UNC5D: variants seen among roughly 807,000 people sequenced by gnomAD.
The protein encoded by UNC5D is unc-5 netrin receptor D.
Under a neutral mutation model 105.4 loss-of-function variants are expected in UNC5D, and 39 were observed. The observed-to-expected ratio is 0.37, with a 90% CI of 0.29 to 0.48. The LOEUF (loss-of-function observed/expected upper bound fraction) is 0.48, where lower values mean the gene tolerates loss of function less well. UNC5D is among the 20% of genes least tolerant of loss of function. The probability of loss-of-function intolerance (pLI) is 0.98; values close to 1 mark genes in which losing one functional copy is unlikely to be tolerated. For synonymous variants in UNC5D, 452 were observed against 450.4 expected (o/e 1.00, Z -0.04); for missense variants, 991 against 1,202.4 (o/e 0.82, Z 2.60).
intron 1 of UNC5D, among the ~76,000 whole-genome samples, chr8:35,271,957 T>C (rs964538320): frequency 5.3e-5 from 8 of 151,946 alleles, no homozygotes; most frequent in Non-Finnish European, 1.2e-4. Context: ...AAGAATATCA[T>C]GGCAAACACA....
chr8:35,319,023 C>T (rs1809511974), intron 1 of UNC5D, among the ~76,000 whole-genome samples: 1 of 152,088 alleles, frequency 6.6e-6, no homozygotes, highest in Admixed American at 6.6e-5. Context: ...CTTCTTCCCT[C>T]AGTCTTTAGA....
chr8:35,388,695 T>C (rs1327020281), intron 1 of UNC5D, among the ~76,000 whole-genome samples: 3 of 152,184 alleles, frequency 2.0e-5, no homozygotes, highest in South Asian at 4.1e-4. Flanking sequence ...CTGTGTAAAA[T>C]CTCCATGCAG....
At chr8:35,637,732 A>G (rs950230247) in intron 4 of UNC5D, among the ~76,000 whole-genome samples, 6 of 152,188 alleles carry the variant, frequency 3.9e-5, no homozygotes, top group African/African-American at 1.4e-4. Context: ...AATTTTCCAC[A>G]TGTTTAAATC....
At chr8:35,631,313 C>A (rs77292603) in intron 4 of UNC5D, among the ~76,000 whole-genome samples, 90 of 145,676 alleles carry the variant, frequency 6.2e-4, no homozygotes, top group Non-Finnish European at 6.6e-4. Context: ...GACCCTGTCT[C>A]AAAAAAAAAA....
At chr8:35,497,554 G>A (rs1398682153) in intron 1 of UNC5D, among the ~76,000 whole-genome samples, 1 of 152,000 alleles carries the variant, frequency 6.6e-6, no homozygotes, top group Non-Finnish European at 1.5e-5. Context: ...GAGAAATGAT[G>A]CGTTAGATTT....
intron 7 of UNC5D, among the ~76,000 whole-genome samples, chr8:35,688,008 T>C (rs1434024430): frequency 1.3e-5 from 2 of 152,018 alleles, no homozygotes; most frequent in Non-Finnish European, 2.9e-5. Context: ...GGCAGGCACC[T>C]GTAGTCCCAG....
chr8:35,478,014 A>G (rs1387448944), intron 1 of UNC5D, among the ~76,000 whole-genome samples: 2 of 152,172 alleles, frequency 1.3e-5, no homozygotes, highest in East Asian at 1.9e-4. Flanking sequence ...AGAAAGCCTT[A>G]TATTAATCAA....
chr8:35,405,200 A>G (rs1804727389), intron 1 of UNC5D, among the ~76,000 whole-genome samples: 2 of 152,228 alleles, frequency 1.3e-5, no homozygotes, highest in South Asian at 2.1e-4. Flanking sequence ...AGCTGCATGC[A>G]CCCAGATAAT....
At chr8:35,571,464 A>G (rs1386342036) in intron 3 of UNC5D, among the ~76,000 whole-genome samples, 1 of 152,214 alleles carries the variant, frequency 6.6e-6, no homozygotes, top group African/African-American at 2.4e-5. Context: ...TTGTCATTAA[A>G]TATTGCATTT....
chr8:35,638,430 T>C (rs999448188), intron 4 of UNC5D, among the ~76,000 whole-genome samples: 2 of 152,144 alleles, frequency 1.3e-5, no homozygotes, highest in African/African-American at 2.4e-5. Flanking sequence ...ATATGATCTA[T>C]ATTTTTCAAT....
chr8:35,434,297 A>G (rs1047012817), intron 1 of UNC5D, among the ~76,000 whole-genome samples: 6 of 152,134 alleles, frequency 3.9e-5, no homozygotes, highest in African/African-American at 1.4e-4. Flanking sequence ...AAGTTCCACT[A>G]ATGAGAGTCA....
intron 7 of UNC5D, 86 bp downstream of exon 7, chr8:35,686,795 G>C (rs1371133659): frequency 2.7e-6 from 4 of 1,468,986 alleles, no homozygotes; most frequent in South Asian, 2.7e-5. Flanking sequence ...CATTAATGTG[G>C]TTAAATAAGT....
chr8:35,426,608 G>A (rs1367070669), intron 1 of UNC5D, among the ~76,000 whole-genome samples: 1 of 152,070 alleles, frequency 6.6e-6, no homozygotes, highest in South Asian at 2.1e-4. Flanking sequence ...GTTGTTTTAT[G>A]GGGATGTCCT....
Position 35,453,344 on chromosome 8 carries a change from C to A in UNC5D, c.104-95948C>A, listed in dbSNP as rs536024572. Among the ~76,000 whole-genome samples the A allele has an allele frequency of 3.9e-5, 6 of 152,180 alleles. No individual in the cohort carries two copies. The South Asian group carries it at 1.2e-3, about 32-fold the overall frequency. On this transcript the variant is annotated intron_variant, in intron 1 of 16. Coordinates refer to ENST00000404895, the MANE Select transcript of UNC5D (RefSeq NM_080872.4). ...AGATTTATGAAGCAAAGGTGTTGTA[C>A]TGTGAGGGTCTTGAAAAATGGGTGT... is the stretch of plus-strand genomic sequence containing the variant.
intron 1 of UNC5D, among the ~76,000 whole-genome samples, chr8:35,397,349 T>C (rs1166911996): frequency 6.6e-6 from 1 of 152,220 alleles, no homozygotes; most frequent in Non-Finnish European, 1.5e-5. Flanking sequence ...TGAGCCATGC[T>C]TAGCAGGTCT....
At chr8:35,316,796 G>A (rs1318334457) in intron 1 of UNC5D, among the ~76,000 whole-genome samples, 2 of 152,128 alleles carry the variant, frequency 1.3e-5, no homozygotes, top group African/African-American at 4.8e-5. Flanking sequence ...AGACTGTGGA[G>A]TTCAGTTTTC....
intron 1 of UNC5D, among the ~76,000 whole-genome samples, chr8:35,280,122 A>G (rs1806046856): frequency 6.6e-6 from 1 of 151,948 alleles, no homozygotes; most frequent in African/African-American, 2.4e-5. Context: ...CAGCCTCCCA[A>G]ATAGCTGGGA....
chr8:35,491,780 A>G (rs1811229312), intron 1 of UNC5D, among the ~76,000 whole-genome samples: 1 of 152,106 alleles, frequency 6.6e-6, no homozygotes, highest in African/African-American at 2.4e-5. Context: ...TGCATCTTGT[A>G]TTTTAAACTG....
rs1021217550 is a variant in UNC5D, at chr8:35,570,384, T to C, written c.466+2143T>C. 1.2e-4 allele frequency among the ~76,000 whole-genome samples: 18 copies of C among 152,336 alleles called. 1 individual carries two copies. The highest frequency in any genetic ancestry group is 2.9e-4 in the African/African-American group (12 of 41,584). On this transcript the variant is annotated intron_variant, in intron 3 of 16. Coordinates refer to ENST00000404895, the MANE Select transcript of UNC5D (RefSeq NM_080872.4). ...CATTGATAAAAGGGTGCCTGGTTCA[T>C]AGAATTATTTTCATAGTTAAAGTTA...
Sources: gnomAD v4.1 joint callset for allele counts (sites outside exome capture counted in the v4.1 genomes callset) on GRCh38, gnomAD v4.1.1 for gene constraint, MANE v1.5 for transcripts, NCBI Gene and HGNC (gene_info 2026-07-23, HGNC 2026-07-21) for gene names.